TOPORS: variants seen among roughly 807,000 people sequenced by gnomAD.
TOPORS encodes E3 ubiquitin-protein ligase Topors.
Under a neutral mutation model 81.4 loss-of-function variants are expected in TOPORS, and 25 were observed. The ratio of observed to expected loss-of-function variants is 0.31; its 90% confidence interval spans 0.22 to 0.43. The LOEUF (loss-of-function observed/expected upper bound fraction) is 0.43. Among genes scored for constraint, TOPORS ranks in the 20% least tolerant of loss-of-function variants. The pLI, the probability that TOPORS is intolerant of heterozygous loss-of-function variation, is 1.00. For synonymous variants in TOPORS, 473 were observed against 456.6 expected (o/e 1.04, Z -0.46); for missense variants, 1,101 against 1,267.0 (o/e 0.87, Z 1.99).
At chr9:32,545,819 A>G (rs1231138026) in intron 2 of TOPORS, among the ~76,000 whole-genome samples, 2 of 152,172 alleles carry the variant, frequency 1.3e-5, no homozygotes, top group African/African-American at 4.8e-5. Flanking sequence ...CCTAATATTC[A>G]TCTTCCTCCA....
In TOPORS at chr9:32,543,180, G is replaced by A; in HGVS notation, c.1345C>T (p.Leu449Phe). ...LNTSDSSDEE[L>F]VTGGATSQIQ... Reference sequence around the variant, plus strand: ...TGAGACGTGGCTCCTCCTGTGACAAGTTCTTCATCTGAACTGTCAGAAGTA... The same window carrying A: ...TGAGACGTGGCTCCTCCTGTGACAAATTCTTCATCTGAACTGTCAGAAGTA... The change falls in exon 3 of 3, where the codon CTT (leucine) becomes TTT (phenylalanine). Residue 449 changes from leucine to phenylalanine, a missense_variant. Leu to Phe is a conservative substitution (Grantham distance 22). This residue lies in a region of TOPORS where 103 missense variants were observed against 112.1 expected (regional missense o/e 0.92). Coordinates refer to ENST00000360538, the MANE Select transcript of TOPORS (RefSeq NM_005802.5). The surrounding 1 kb of genome is among the most constrained non-coding windows in gnomAD (Gnocchi z 5.6). 1 of 1,613,914 alleles carries A rather than the reference G, an allele frequency of 6.2e-7. No individual in the cohort carries two copies. The highest frequency in any genetic ancestry group is 8.5e-7 in the Non-Finnish European group (1 of 1,180,012).
chr9:32,550,782 A>G lies in TOPORS; in HGVS notation c.190T>C (p.Ser64Pro). The G allele has an allele frequency of 6.2e-7, 1 of 1,612,844 alleles. No homozygotes were observed. The highest frequency in any genetic ancestry group is 8.5e-7 in the Non-Finnish European group (1 of 1,179,686). The change falls in exon 2 of 3, where the codon TCC (serine) becomes CCC (proline). Residue 64 changes from serine to proline, a missense_variant. This residue lies in a region of TOPORS where 131 missense variants were observed against 101.0 expected (regional missense o/e 1.30). Coordinates refer to ENST00000360538, the MANE Select transcript of TOPORS (RefSeq NM_005802.5). ...ASAPARPAPA[S>P]SEIMASAAKE... ...TTCCGAATCTCACTCACCTCGGAGGATGCCGGCGCAGGCCTGGCTGGGGCG... is the reference window on the plus strand; with the variant it reads ...TTCCGAATCTCACTCACCTCGGAGGGTGCCGGCGCAGGCCTGGCTGGGGCG...
At position 32,541,961 on chromosome 9, in the gene TOPORS, T is replaced by G. The variant is rs773681678; in HGVS notation, c.2564A>C (p.His855Pro). Residue 855 changes from histidine (H) to proline (P), a missense_variant, in exon 3 of 3, where the codon CAC becomes CCC. By Grantham distance (77) the His-to-Pro change is moderately conservative. This residue lies in a region of TOPORS where 605 missense variants were observed against 636.1 expected (regional missense o/e 0.95). Coordinates refer to ENST00000360538, the MANE Select transcript of TOPORS (RefSeq NM_005802.5). ...DSRSSDRETK[H>P]KRRKRKTRSL... ...CCGGGTCTTCCTTTTTCTCCTTTTG[T>G]GTTTTGTCTCTCTGTCTGATGATCG... 3 of 1,613,392 alleles carry G rather than the reference T, an allele frequency of 1.9e-6. No homozygotes were observed. The South Asian group carries it at 3.3e-5, about 18-fold the overall frequency.
intron 1 of TOPORS, 22 bp downstream of exon 1, chr9:32,552,412 C>G (rs1286508503): frequency 6.2e-7 from 1 of 1,608,902 alleles, no homozygotes; most frequent in Non-Finnish European, 8.5e-7. Context: ...CCAGCTCCCG[C>G]GGACTGCTGC....
At chr9:32,544,379 A>C in intron 2 of TOPORS, 53 bp from the exon 3 acceptor site, 6 of 1,555,690 alleles carry the variant, frequency 3.9e-6, no homozygotes, top group Non-Finnish European at 5.2e-6. Flanking sequence ...GAATGACTAA[A>C]TAGTCTCAAC....
chr9:32,552,174 CAAAAAA>C (rs35415231), intron 1 of TOPORS: 225 of 495,798 alleles, frequency 4.5e-4, no homozygotes, highest in East Asian at 5.7e-4. Context: ...CCTTAGTTGG[CAAAAAA>C]AAAAAAAAAA....
intron 1 of TOPORS, 88 bp downstream of exon 1, chr9:32,552,346 C>A (rs1405901555): frequency 1.3e-6 from 2 of 1,553,280 alleles, no homozygotes; most frequent in African/African-American, 2.7e-5. Flanking sequence ...TAAAAGATGG[C>A]TGCTGGCGCC....
Position 32,540,962 on chromosome 9 carries a change from A to C in TOPORS, c.*425T>G, listed in dbSNP as rs765215723. On this transcript the variant is annotated 3_prime_UTR_variant, in exon 3 of 3. Transcript: ENST00000360538. ...TTTTGAATCATATAAATTTTTAAGA[A>C]GAAAAATAAAGACTGTCCAAAGGGA... 6.4e-6 allele frequency: 1 copy of C among 155,066 alleles called. No individual in the cohort carries two copies. Among genetic ancestry groups the C allele is most frequent in the African/African-American group, 2.4e-5 (1 of 41,446 alleles). The allele number at this position is 155,066 out of a possible 1,614,324, so 9.6% of individuals were successfully genotyped here. A position where few individuals can be genotyped will look rare whatever the true frequency, so the allele number is the denominator to read the frequency against.
At chr9:32,548,576 C>T (rs528015843) in intron 2 of TOPORS, among the ~76,000 whole-genome samples, 10 of 152,066 alleles carry the variant, frequency 6.6e-5, no homozygotes, top group Non-Finnish European at 1.0e-4. Context: ...CTGCAAGAGA[C>T]GTTCTGAATT....
At position 32,541,242 on chromosome 9, in the gene TOPORS, A is replaced by T; in HGVS notation, c.*145T>A. 1.2e-6 allele frequency: 1 copy of T among 826,430 alleles called. No individual in the cohort carries two copies. The allele number at this position is 826,430 out of a possible 1,614,324, so 51.2% of individuals were successfully genotyped here. A position where few individuals can be genotyped will look rare whatever the true frequency, so the allele number is the denominator to read the frequency against. On this transcript the variant is annotated 3_prime_UTR_variant, in exon 3 of 3. Transcript: ENST00000360538. ...GAACAAATAATGATTTTTACAAATT[A>T]ACACCAAAAAAAAAATCATTTAAAA...
rs531812368 is a variant in TOPORS at position 32,541,078 on chromosome 9, C to T, written c.*309G>A. 4.6e-4 allele frequency: 105 copies of T among 228,178 alleles called. 2 individuals carry two copies. The South Asian group carries it at 6.3e-3, about 14-fold the overall frequency. The allele number at this position is 228,178 out of a possible 1,614,324, so 14.1% of individuals were successfully genotyped here. A position where few individuals can be genotyped will look rare whatever the true frequency, so the allele number is the denominator to read the frequency against. ...GACTACCTTAAAAATATGTCAATACCGTATGGCTTTATGAAATAACTTCTA... is the reference window on the plus strand; with the variant it reads ...GACTACCTTAAAAATATGTCAATACTGTATGGCTTTATGAAATAACTTCTA... On this transcript the variant is annotated 3_prime_UTR_variant, in exon 3 of 3. Transcript: ENST00000360538.
chr9:32,551,962 A>G (rs928482390), intron 1 of TOPORS, among the ~76,000 whole-genome samples: 4 of 152,116 alleles, frequency 2.6e-5, no homozygotes, highest in Non-Finnish European at 4.4e-5. Context: ...ACGTCCATCT[A>G]AATCGTGTGG....
chr9:32,552,249 G>T (rs538129082), intron 1 of TOPORS, 185 bp downstream of exon 1: 2 of 741,238 alleles, frequency 2.7e-6, no homozygotes, highest in South Asian at 3.2e-5. Context: ...CAAGGCCCCC[G>T]ATCACGTGAT....
intron 2 of TOPORS, among the ~76,000 whole-genome samples, chr9:32,547,546 T>C (rs535579573): frequency 6.6e-6 from 1 of 152,328 alleles, no homozygotes; most frequent in Admixed American, 6.5e-5. Flanking sequence ...TGGTACCATG[T>C]TGTAACATGG....
intron 2 of TOPORS, among the ~76,000 whole-genome samples, chr9:32,548,252 G>A (rs185673749): frequency 6.6e-5 from 10 of 151,502 alleles, no homozygotes; most frequent in Non-Finnish European, 1.2e-4. Flanking sequence ...GGCCGGGCGC[G>A]GTGGCTCACG....
intron 2 of TOPORS, 115 bp downstream of exon 2, chr9:32,550,659 C>T: frequency 8.2e-7 from 1 of 1,220,860 alleles, no homozygotes; most frequent in Non-Finnish European, 1.2e-6. Flanking sequence ...GAGGCCCGGA[C>T]AGCCCCGCAG....
In TOPORS at chr9:32,543,041, A is replaced by G. The variant is rs1403037791; in HGVS notation, c.1484T>C (p.Val495Ala). The change falls in exon 3 of 3, where the codon GTT becomes GCT. Residue 495 changes from valine to alanine, a missense_variant. Physicochemically the swap from Val to Ala is moderately conservative, Grantham distance 64. Transcript: ENST00000360538. This position sits in a 1 kb window ranked among gnomAD's most constrained non-coding sequence, Gnocchi z 5.6. ...KPLAERTPEL[V>A]ELSSDSEDLG... ...GTCCTCAGAATCAGAGGACAGTTCA[A>G]CAAGTTCTGGGGTCCTCTCAGCTAG... 2 of 1,614,092 alleles carry G rather than the reference A, an allele frequency of 1.2e-6. No individual in the cohort carries two copies. The highest frequency in any genetic ancestry group is 8.5e-7 in the Non-Finnish European group (1 of 1,180,040).
rs148785614 is a variant in TOPORS, at chr9:32,550,875, G to A, written c.97C>T (p.Arg33Trp). ...PASEGRRRSR[R>W]VRLRGSCRHR... ...CGGCAGGATCCGCGAAGGCGTACCC[G>A]GCGACTTCTCCGCCTACCCTCCGAA... The change falls in exon 2 of 3, where the codon CGG (arginine) becomes TGG (tryptophan). Residue 33 changes from arginine (R) to tryptophan (W), a missense_variant. Arg to Trp is a moderately radical substitution (Grantham distance 101). Around this residue, in one of 9 missense-constraint regions of TOPORS, gnomAD observed 131 missense variants for 101.0 expected, o/e 1.30. Transcript: ENST00000360538. 3 of 1,613,058 alleles carry A rather than the reference G, an allele frequency of 1.9e-6. No individual in the cohort carries two copies. Among genetic ancestry groups the A allele is most frequent in the Non-Finnish European group, 1.7e-6 (2 of 1,179,804 alleles).
At position 32,545,618 on chromosome 9, in the gene TOPORS, G is replaced by A. The variant is rs548516458; in HGVS notation, c.199-1292C>T. 7.2e-5 allele frequency among the ~76,000 whole-genome samples: 11 copies of A among 151,838 alleles called. No individual in the cohort carries two copies. The East Asian group carries it at 7.8e-4, about 11-fold the overall frequency. ...TCTACTAAGAATACAAAAATTAGCC[G>A]GGCATGGTGGCAGGCACCTGTAATC... is the stretch of plus-strand genomic sequence containing the variant. On this transcript the variant is annotated intron_variant, in intron 2 of 2. Transcript: ENST00000360538.
Sources: gnomAD v4.1 joint callset for allele counts (sites outside exome capture counted in the v4.1 genomes callset) on GRCh38, gnomAD v4.1.1 for gene constraint, gnomAD v4.1.1 regional missense constraint, Gnocchi (gnomAD v3.1) non-coding constraint, MANE v1.5 for transcripts, NCBI Gene and HGNC (gene_info 2026-07-23, HGNC 2026-07-21) for gene names.